AGBL1: variants seen among roughly 807,000 people sequenced by gnomAD.
AGBL1 encodes the protein AGBL carboxypeptidase 1.
AGBL1 carries 130 observed loss-of-function variants against 118.9 expected under a neutral mutation model. That is an observed-to-expected ratio of 1.09 (90% confidence interval 0.95 to 1.26). The LOEUF is 1.26. Ranked by LOEUF, AGBL1 falls within the 50% of genes most tolerant of loss-of-function variation. AGBL1 has a pLI of 0.00. For missense variants in AGBL1, 1,584 were observed against 1,298.1 expected (o/e 1.22, Z -3.38); for synonymous variants, 555 against 478.9 (o/e 1.16, Z -2.08).
chr15:86,116,160 T>G (rs1482298027), intron 1 of AGBL1, among the ~76,000 whole-genome samples: 1 of 152,214 alleles, frequency 6.6e-6, no homozygotes. Flanking sequence ...TCATCTCAAC[T>G]CTGTTTTGTG....
chr15:86,669,684 T>A (rs375884945), intron 21 of AGBL1, among the ~76,000 whole-genome samples: 1 of 152,204 alleles, frequency 6.6e-6, no homozygotes, highest in African/African-American at 2.4e-5. Context: ...ATATATAACT[T>A]TTAAAACATT....
intron 18 of AGBL1, among the ~76,000 whole-genome samples, chr15:86,446,877 T>C (rs1449491111): frequency 1.3e-5 from 2 of 152,262 alleles, no homozygotes; most frequent in Admixed American, 1.3e-4. Flanking sequence ...CTAAGCATTA[T>C]TTTATATCCT....
In AGBL1 at chr15:86,350,080, A is replaced by G. The variant is rs770748363; in HGVS notation, c.2375-47286A>G. Reference sequence around the variant, plus strand: ...ATAAAAGTGTCACATACCAGGAGACATAAATGTCTGTATGAGGCAGCTATG... The same window carrying G: ...ATAAAAGTGTCACATACCAGGAGACGTAAATGTCTGTATGAGGCAGCTATG... On this transcript the variant is annotated intron_variant, in intron 17 of 22. Transcript: ENST00000614907. Among the ~76,000 whole-genome samples the G allele has an allele frequency of 3.9e-5, 6 of 152,240 alleles. No homozygotes were observed. In the East Asian group the frequency reaches 5.8e-4, roughly 15 times the overall value.
intron 21 of AGBL1, among the ~76,000 whole-genome samples, chr15:86,561,799 T>C (rs993016616): frequency 2.0e-5 from 3 of 152,226 alleles, no homozygotes; most frequent in African/African-American, 4.8e-5. Context: ...TGGAATGTTC[T>C]TCCATTTGTT....
intron 17 of AGBL1, among the ~76,000 whole-genome samples, chr15:86,354,501 T>C (rs1197192904): frequency 6.6e-6 from 1 of 152,182 alleles, no homozygotes; most frequent in Non-Finnish European, 1.5e-5. Flanking sequence ...TCACTAGGAA[T>C]GATAACCAAC....
chr15:87,016,962 C>T (rs1001634282), intron 24 of AGBL1, among the ~76,000 whole-genome samples: 1 of 152,142 alleles, frequency 6.6e-6, no homozygotes. Context: ...ACTGTGGCCC[C>T]AGGATTTCTG....
At chr15:86,752,123 C>T (rs907533398) in intron 22 of AGBL1, among the ~76,000 whole-genome samples, 2 of 151,968 alleles carry the variant, frequency 1.3e-5, no homozygotes, top group Non-Finnish European at 1.5e-5. Flanking sequence ...GTTAATGTAC[C>T]ACAGGTGGAC....
chr15:86,368,435 A>G (rs774380820), intron 17 of AGBL1, among the ~76,000 whole-genome samples: 1 of 152,236 alleles, frequency 6.6e-6, no homozygotes, highest in Non-Finnish European at 1.5e-5. Context: ...ATATATAAAA[A>G]TTTTATATGA....
rs144493243 is a variant in AGBL1 at position 86,319,571 on chromosome 15, C to T, written c.2374+24163C>T. The stretch of plus-strand genomic sequence containing the variant: ...CACTGAGGTGTAATACCAATTCTGA[C>T]GTAAATCATGTTTTTATAGACGTGG... On this transcript the variant is annotated intron_variant, in intron 17 of 22. Coordinates refer to ENST00000614907, the MANE Select transcript of AGBL1 (RefSeq NM_001386094.1). Among the ~76,000 whole-genome samples the T allele has an allele frequency of 4.5e-3, 682 of 151,970 alleles. 4 individuals are homozygous for T. The highest frequency in any genetic ancestry group is 0.016 in the African/African-American group (646 of 41,434).
intron 17 of AGBL1, among the ~76,000 whole-genome samples, chr15:86,381,375 T>G (rs2081111185): frequency 1.3e-5 from 2 of 152,154 alleles, no homozygotes. Flanking sequence ...TTTATTTCAA[T>G]TTAATAGTTT....
chr15:86,828,916 A>ATATATG (rs1224929976), intron 22 of AGBL1, among the ~76,000 whole-genome samples: 1 of 6,428 alleles, frequency 1.6e-4, no homozygotes, highest in South Asian at 4.1e-3. Flanking sequence ...GTTCAAAAGT[A>ATATATG]TATATATATA....
At chr15:87,000,168 T>G (rs77617732) in intron 24 of AGBL1, among the ~76,000 whole-genome samples, 2,969 of 50,508 alleles carry the variant, frequency 0.059, 38 homozygotes, top group Middle Eastern at 0.14. Flanking sequence ...TTTCTCCCAT[T>G]TTGTAGGTTG....
chr15:86,678,343 T>C (rs2085887616), intron 22 of AGBL1, among the ~76,000 whole-genome samples: 1 of 152,182 alleles, frequency 6.6e-6, no homozygotes, highest in African/African-American at 2.4e-5. Context: ...TTTAAAACTT[T>C]TGCCATTTTT....
intron 6 of AGBL1, among the ~76,000 whole-genome samples, chr15:86,238,801 A>G (rs900888846): frequency 3.3e-5 from 5 of 152,040 alleles, no homozygotes; most frequent in Non-Finnish European, 7.4e-5. Context: ...TTCTATGTTT[A>G]TTTTTCAAAT....
At chr15:86,880,376 GA>G (rs761889517) in intron 22 of AGBL1, among the ~76,000 whole-genome samples, 1 of 152,174 alleles carries the variant, frequency 6.6e-6, no homozygotes, top group Non-Finnish European at 1.5e-5. Context: ...GATTAAAGGG[GA>G]AACAGGGAGC....
Position 86,285,542 on chromosome 15 carries a change from C to T in AGBL1, c.2220+5759C>T, listed in dbSNP as rs983150486. On this transcript the variant is annotated intron_variant, in intron 16 of 22. Coordinates refer to ENST00000614907, the MANE Select transcript of AGBL1 (RefSeq NM_001386094.1). The stretch of plus-strand genomic sequence containing the variant: ...CCCTCTTGCCTGCCACCATGTAAGA[C>T]GTGCCTTTGCTGTTCTTTCACCTTC... 3.9e-5 allele frequency among the ~76,000 whole-genome samples: 6 copies of T among 152,118 alleles called. No homozygotes were observed. The South Asian group carries it at 6.2e-4, about 16-fold the overall frequency.
rs570833659 is a variant in AGBL1, at chr15:86,279,773, C to T, written c.2210C>T (p.Thr737Ile). The T allele has an allele frequency of 6.2e-7, 1 of 1,613,742 alleles. No individual in the cohort carries two copies. Among genetic ancestry groups the T allele is most frequent in the East Asian group, 2.2e-5 (1 of 44,866 alleles). ...YLAYHYPYTY[T>I]ALMTHLDILE... ...GCCTACCACTATCCCTATACCTACA[C>T]AGCCCTCATGGTAACTTCCTCTTTA... Residue 737 changes from threonine to isoleucine, a missense_variant, in exon 16 of 23, where the codon ACA becomes ATA. Coordinates refer to ENST00000614907, the MANE Select transcript of AGBL1 (RefSeq NM_001386094.1).
chr15:86,442,791 A>G lies in AGBL1; in HGVS notation c.2555+45245A>G, dbSNP rs372646371. Among the ~76,000 whole-genome samples, 72 of 152,362 alleles carry G rather than the reference A, an allele frequency of 4.7e-4. 1 individual carries two copies. The highest frequency in any genetic ancestry group is 1.5e-3 in the African/African-American group (62 of 41,586). On this transcript the variant is annotated intron_variant, in intron 18 of 22. Coordinates refer to ENST00000614907, the MANE Select transcript of AGBL1 (RefSeq NM_001386094.1). ...CATAGGCATCCTGGCCTCCATTCTC[A>G]GGGCTGAAGTGTTTTGGGGAAAATG...
At chr15:86,690,016 G>A (rs1039311482) in intron 22 of AGBL1, among the ~76,000 whole-genome samples, 8 of 152,120 alleles carry the variant, frequency 5.3e-5, no homozygotes, top group African/African-American at 1.9e-4. Context: ...GAATTAGATA[G>A]GGAATGGTTT....
Sources: allele counts gnomAD v4.1 joint callset (sites outside exome capture counted in the v4.1 genomes callset), GRCh38; gene constraint gnomAD v4.1.1; transcripts MANE v1.5; gene names NCBI Gene and HGNC (gene_info 2026-07-23, HGNC 2026-07-21).